RYR2: variants seen among roughly 807,000 people sequenced by gnomAD.
RYR2 encodes the protein cardiac muscle ryanodine receptor-calcium release channel.
A neutral mutation model predicts 601.1 loss-of-function variants in RYR2; 227 were observed. The observed-to-expected ratio is 0.38, with a 90% CI of 0.34 to 0.42. The LOEUF (loss-of-function observed/expected upper bound fraction) is 0.42. Ranked by LOEUF, RYR2 falls within the 10% of genes least tolerant of loss-of-function variation. RYR2 has a pLI of 1.00. For synonymous variants in RYR2, 2,223 were observed against 2,175.1 expected (o/e 1.02, Z -0.61); for missense variants, 4,646 against 6,156.5 (o/e 0.75, Z 8.21).
At chr1:237,162,832 G>A (rs767873004) in intron 1 of RYR2, among the ~76,000 whole-genome samples, 6 of 152,074 alleles carry the variant, frequency 3.9e-5, no homozygotes, top group Admixed American at 3.3e-4. Context: ...AAGGCTCATC[G>A]TCTAAATGCC....
At position 237,550,662 on chromosome 1, in the gene RYR2, A is replaced by G. The variant is rs1572838155; in HGVS notation, c.3185A>G (p.Tyr1062Cys). 6.4e-7 allele frequency: 1 copy of G among 1,563,200 alleles called. No homozygotes were observed. The highest frequency in any genetic ancestry group is 2.0e-5 in the Admixed American group (1 of 51,210). ...EAVRTLLGYG[Y>C]NLEAPDQDHA... The stretch of plus-strand genomic sequence containing the variant: ...GTGCGCACGCTGCTGGGGTACGGCT[A>G]CAACTTGGAAGCACCAGATCAAGAT... Residue 1062 changes from tyrosine to cysteine, a missense_variant, in exon 27 of 105, where the codon TAC (tyrosine) becomes TGC (cysteine). Transcript: ENST00000366574.
intron 2 of RYR2, among the ~76,000 whole-genome samples, chr1:237,312,918 G>A (rs1025656829): frequency 2.0e-5 from 3 of 151,760 alleles, no homozygotes; most frequent in African/African-American, 7.3e-5. Context: ...TTCTTTTTCG[G>A]CCTTTGAAGA....
At chr1:237,258,869 G>T (rs562952418) in intron 1 of RYR2, among the ~76,000 whole-genome samples, 1 of 152,260 alleles carries the variant, frequency 6.6e-6, no homozygotes, top group East Asian at 1.9e-4. Context: ...AAAAAGTAAA[G>T]TTCCTTTCTG....
chr1:237,597,184 G>A (rs1411669400), intron 34 of RYR2, among the ~76,000 whole-genome samples: 1 of 152,086 alleles, frequency 6.6e-6, no homozygotes, highest in Non-Finnish European at 1.5e-5. Flanking sequence ...AGTCAAAATT[G>A]TCAAAAGTAA....
At chr1:237,722,294 G>A (rs1301246040) in intron 73 of RYR2, among the ~76,000 whole-genome samples, 1 of 151,976 alleles carries the variant, frequency 6.6e-6, no homozygotes, top group Non-Finnish European at 1.5e-5. Flanking sequence ...CCACCAAAGA[G>A]TATGATAAAT....
chr1:237,645,915 C>G (rs1212266937), intron 48 of RYR2, among the ~76,000 whole-genome samples: 1 of 144,736 alleles, frequency 6.9e-6, no homozygotes, highest in African/African-American at 2.5e-5. Flanking sequence ...CTCACTCTGT[C>G]GCCCAGGCTG....
chr1:237,470,166 G>C (rs1461836019), intron 17 of RYR2, among the ~76,000 whole-genome samples: 1 of 152,242 alleles, frequency 6.6e-6, no homozygotes, highest in East Asian at 1.9e-4. Flanking sequence ...GAAGATAGGG[G>C]CATGGTTTCA....
chr1:237,624,009 A>T, intron 39 of RYR2, 139 bp downstream of exon 39: 1 of 639,654 alleles, frequency 1.6e-6, no homozygotes, highest in Non-Finnish European at 2.7e-6. Context: ...AACATTTATT[A>T]TTATGGCAAA....
At position 237,784,604 on chromosome 1, in the gene RYR2, G is replaced by A. The variant is rs745927659; in HGVS notation, c.12892G>A (p.Val4298Met). ...TATTTTCATGACCCTCTTGCACTTC[G>A]TGGCCAGCGTTTTCAGAGGCTTTTT... The part of the protein sequence containing the change: ...WSIFMTLLHF[V>M]ASVFRGFFRI... The change falls in exon 90 of 105, where the codon GTG becomes ATG. Residue 4298 changes from valine (V) to methionine (M), a missense_variant. By Grantham distance (21) the Val-to-Met change is conservative. This residue lies in a region of RYR2 where 364 missense variants were observed against 442.9 expected (regional missense o/e 0.82). Transcript: ENST00000366574. The surrounding 1 kb of genome is among the most constrained non-coding windows in gnomAD (Gnocchi z 7.1). 3 of 1,613,852 alleles carry A rather than the reference G, an allele frequency of 1.9e-6. No individual in the cohort carries two copies. The Admixed American group carries it at 5.0e-5, about 27-fold the overall frequency.
intron 24 of RYR2, among the ~76,000 whole-genome samples, chr1:237,526,437 C>T (rs996957639): frequency 6.6e-6 from 1 of 151,758 alleles, no homozygotes; most frequent in Non-Finnish European, 1.5e-5. Context: ...GCCTTGATTT[C>T]CGAGACTCAG....
intron 40 of RYR2, 90 bp downstream of exon 40, chr1:237,625,894 G>A: frequency 1.4e-6 from 2 of 1,426,416 alleles, no homozygotes; most frequent in Non-Finnish European, 1.9e-6. Context: ...ATGAGCCAGT[G>A]AGATAATTGA....
At chr1:237,181,077 G>A (rs916530277) in intron 1 of RYR2, among the ~76,000 whole-genome samples, 3 of 151,830 alleles carry the variant, frequency 2.0e-5, no homozygotes, top group African/African-American at 4.8e-5. Flanking sequence ...TCCACCTCCC[G>A]GGTTCAAGCA....
intron 17 of RYR2, among the ~76,000 whole-genome samples, chr1:237,490,990 A>AT (rs1421785144): frequency 1.3e-5 from 2 of 152,158 alleles, no homozygotes; most frequent in African/African-American, 4.8e-5. Flanking sequence ...AATGGGACCC[A>AT]TTCTCATTGT....
intron 8 of RYR2, among the ~76,000 whole-genome samples, chr1:237,384,632 T>C (rs953205452): frequency 3.3e-5 from 5 of 152,220 alleles, no homozygotes; most frequent in Non-Finnish European, 5.9e-5. Context: ...TATTTGCACA[T>C]AGCGCATTCA....
intron 87 of RYR2, among the ~76,000 whole-genome samples, chr1:237,778,277 T>C (rs771497062): frequency 1.3e-5 from 2 of 152,046 alleles, no homozygotes; most frequent in African/African-American, 2.4e-5. Context: ...ACCTCTCATC[T>C]AAAGCATATT....
At chr1:237,297,926 A>ATTTTTTTTTTT (rs71661539) in intron 2 of RYR2, among the ~76,000 whole-genome samples, 1 of 133,372 alleles carries the variant, frequency 7.5e-6, no homozygotes, top group East Asian at 2.2e-4. Flanking sequence ...AATTTTTTGT[A>ATTTTTTTTTTT]TTTTTTTTTT....
intron 99 of RYR2, 104 bp downstream of exon 99, chr1:237,806,387 A>G: frequency 8.4e-7 from 1 of 1,185,052 alleles, no homozygotes; most frequent in South Asian, 1.6e-5. Flanking sequence ...AGTTTTAAAG[A>G]TTTTTTTGAA....
intron 14 of RYR2, 65 bp downstream of exon 14, chr1:237,445,587 A>G: frequency 4.4e-6 from 7 of 1,584,828 alleles, no homozygotes; most frequent in South Asian, 2.2e-5. Flanking sequence ...TGGATATGCA[A>G]ATAGACAATT....
At chr1:237,134,227 T>C (rs1672506518) in intron 1 of RYR2, among the ~76,000 whole-genome samples, 1 of 152,200 alleles carries the variant, frequency 6.6e-6, no homozygotes, top group Admixed American at 6.5e-5. Flanking sequence ...CACACATTAC[T>C]GAGAGAGTCC....
Sources: allele counts gnomAD v4.1 joint callset (sites outside exome capture counted in the v4.1 genomes callset), GRCh38; gene constraint gnomAD v4.1.1; regional missense constraint gnomAD v4.1.1; non-coding constraint Gnocchi (gnomAD v3.1); transcripts MANE v1.5; gene names NCBI Gene and HGNC (gene_info 2026-07-23, HGNC 2026-07-21).